Variants in TRIO observed in about 807,000 individuals in gnomAD.
TRIO encodes the protein triple functional domain protein.
A neutral mutation model predicts 351.9 loss-of-function variants in TRIO; 58 were observed. The ratio of observed to expected loss-of-function variants is 0.16; its 90% CI spans 0.13 to 0.21. The LOEUF (loss-of-function observed/expected upper bound fraction) is 0.21. Ranked by LOEUF, TRIO falls within the 10% of genes least tolerant of loss-of-function variation. TRIO has a pLI of 1.00. For synonymous variants in TRIO, 1,758 were observed against 1,595.7 expected (o/e 1.10, Z -2.42); for missense variants, 3,201 against 4,027.8 (o/e 0.79, Z 5.56).
chr5:14,317,615 T>C (rs1739483709), intron 9 of TRIO, among the ~76,000 whole-genome samples: 1 of 152,240 alleles, frequency 6.6e-6, no homozygotes, highest in Non-Finnish European at 1.5e-5. Flanking sequence ...TCGCCCTGTG[T>C]TCTGATGAGA....
intron 33 of TRIO, among the ~76,000 whole-genome samples, chr5:14,416,531 A>G (rs16903495): frequency 0.028 from 4,323 of 152,146 alleles, 167 homozygotes; most frequent in African/African-American, 0.097. Flanking sequence ...CTGTTGTTGG[A>G]TTTTCTTAAC....
chr5:14,202,293 G>GTTTTTTTTTTTTT (rs1561196197), intron 1 of TRIO, among the ~76,000 whole-genome samples: 1 of 34,350 alleles, frequency 2.9e-5, no homozygotes, highest in African/African-American at 1.0e-4. Flanking sequence ...ATATTTTTGT[G>GTTTTTTTTTTTTT]ATTTTTTTTT....
chr5:14,361,782 C>T (rs1206716450), intron 13 of TRIO, among the ~76,000 whole-genome samples: 5 of 152,166 alleles, frequency 3.3e-5, no homozygotes, highest in Admixed American at 6.5e-5. Context: ...CGTCATCTCT[C>T]GCAAGAAGCT....
In TRIO at chr5:14,497,425, G is replaced by C. The variant is rs1756976746; in HGVS notation, c.8019+408G>C. 6.6e-6 allele frequency among the ~76,000 whole-genome samples: 1 copy of C among 152,206 alleles called. No homozygotes were observed. ...GCATATGGGCTCTCTGGCTGTGACA[G>C]ATCCCCTTGGGGACAACTTCAGTCA... On this transcript the variant is annotated intron_variant, in intron 50 of 56. Coordinates refer to ENST00000344204, the MANE Select transcript of TRIO (RefSeq NM_007118.4). The surrounding 1 kb of genome is among the most constrained non-coding windows in gnomAD (Gnocchi z 4.4).
At chr5:14,487,345 T>C in intron 47 of TRIO, 119 bp from the exon 48 acceptor site, 1 of 1,049,202 alleles carries the variant, frequency 9.5e-7, no homozygotes, top group Non-Finnish European at 1.2e-6. Flanking sequence ...GGGGTTGCTC[T>C]GCGCCCCTGC....
chr5:14,487,964 C>T lies in TRIO; in HGVS notation c.7336C>T (p.Leu2446Phe), dbSNP rs759324474. 2.3e-5 allele frequency: 35 copies of T among 1,551,606 alleles called. No individual in the cohort carries two copies. In the East Asian group the frequency reaches 8.5e-4, roughly 38 times the overall value. Reference sequence around the variant, plus strand: ...GCGCGCTAGCCTGGGCACCCTGCCGCTTGGGAAGCCCCGGGCCGGGGCCGC... The same window carrying T: ...GCGCGCTAGCCTGGGCACCCTGCCGTTTGGGAAGCCCCGGGCCGGGGCCGC... ...DARASLGTLP[L>F]GKPRAGAASP... Residue 2446 changes from leucine to phenylalanine, a missense_variant, in exon 48 of 57, where the codon CTT (leucine) becomes TTT (phenylalanine). Coordinates refer to ENST00000344204, the MANE Select transcript of TRIO (RefSeq NM_007118.4).
At chr5:14,235,373 G>A (rs1451123727) in intron 1 of TRIO, among the ~76,000 whole-genome samples, 2 of 152,184 alleles carry the variant, frequency 1.3e-5, no homozygotes, top group Non-Finnish European at 2.9e-5. Flanking sequence ...ATAGCATGAA[G>A]TCAGAAGACC....
chr5:14,152,912 G>C (rs1354222325), intron 1 of TRIO, among the ~76,000 whole-genome samples: 1 of 152,102 alleles, frequency 6.6e-6, no homozygotes, highest in Non-Finnish European at 1.5e-5. Flanking sequence ...GGTAAATTTT[G>C]TTAGTTGGTT....
chr5:14,466,997 C>G (rs1754310035), intron 37 of TRIO, among the ~76,000 whole-genome samples: 1 of 152,166 alleles, frequency 6.6e-6, no homozygotes, highest in East Asian at 1.9e-4. Flanking sequence ...CACAACAACC[C>G]TATGAGGTTG....
intron 1 of TRIO, among the ~76,000 whole-genome samples, chr5:14,190,923 A>G (rs1327880551): frequency 2.0e-5 from 3 of 152,198 alleles, no homozygotes; most frequent in South Asian, 2.1e-4. Flanking sequence ...CCACACAAGC[A>G]CTTCTCCGAT....
chr5:14,285,044 A>G (rs1243011544), intron 3 of TRIO, among the ~76,000 whole-genome samples: 1 of 152,166 alleles, frequency 6.6e-6, no homozygotes, highest in South Asian at 2.1e-4. Context: ...TTTCCATGAC[A>G]GGAGACTTTA....
chr5:14,236,722 A>G (rs906700884), intron 1 of TRIO, among the ~76,000 whole-genome samples: 1 of 152,238 alleles, frequency 6.6e-6, no homozygotes, highest in African/African-American at 2.4e-5. Flanking sequence ...TATAATTCAT[A>G]TAGCATACAA....
intron 1 of TRIO, among the ~76,000 whole-genome samples, chr5:14,212,341 C>G (rs1248823096): frequency 1.3e-5 from 2 of 151,998 alleles, no homozygotes; most frequent in African/African-American, 4.8e-5. Context: ...GCTGGTGGCT[C>G]CCTCTGATGT....
chr5:14,243,136 C>T (rs1165339437), intron 1 of TRIO, among the ~76,000 whole-genome samples: 5 of 152,092 alleles, frequency 3.3e-5, no homozygotes, highest in Admixed American at 6.6e-5. Context: ...TGAAGAATTC[C>T]GGGCACTCCC....
chr5:14,375,470 T>A (rs1197687001), intron 19 of TRIO, among the ~76,000 whole-genome samples: 10 of 152,216 alleles, frequency 6.6e-5, no homozygotes, highest in Non-Finnish European at 8.8e-5. Context: ...AGATCTTCAT[T>A]ATGCCTTTGC....
At chr5:14,318,509 G>A (rs1002661455) in intron 9 of TRIO, among the ~76,000 whole-genome samples, 5 of 149,660 alleles carry the variant, frequency 3.3e-5, no homozygotes, top group Admixed American at 6.7e-5. Flanking sequence ...TTCATATACC[G>A]TGCTTTGATT....
chr5:14,408,118 G>A (rs1748884082), intron 33 of TRIO, among the ~76,000 whole-genome samples: 1 of 152,202 alleles, frequency 6.6e-6, no homozygotes. Context: ...CACCGTCCTT[G>A]GGAATTGATT....
chr5:14,315,327 A>T (rs1035737164), intron 8 of TRIO, among the ~76,000 whole-genome samples: 1 of 146,112 alleles, frequency 6.8e-6, no homozygotes, highest in African/African-American at 2.6e-5. Flanking sequence ...ATCTCGGCTC[A>T]CTGCAACTTT....
intron 1 of TRIO, among the ~76,000 whole-genome samples, chr5:14,197,698 T>C (rs1296478659): frequency 1.3e-5 from 2 of 152,238 alleles, no homozygotes; most frequent in African/African-American, 4.8e-5. Context: ...CAGAGGACTT[T>C]ATTATTCACA....
Sources: allele counts gnomAD v4.1 joint callset (sites outside exome capture counted in the v4.1 genomes callset), GRCh38; gene constraint gnomAD v4.1.1; non-coding constraint Gnocchi (gnomAD v3.1); transcripts MANE v1.5; gene names NCBI Gene and HGNC (gene_info 2026-07-23, HGNC 2026-07-21).